Variants in EFR3B observed in about 807,000 individuals in gnomAD.
The protein encoded by EFR3B is EFR3 homolog B, also known as protein EFR3 homolog B.
A neutral mutation model predicts 104.7 loss-of-function variants in EFR3B; 64 were observed. That is an observed-to-expected ratio of 0.61 (90% confidence interval 0.50 to 0.75). EFR3B has a LOEUF of 0.75. Among genes scored for constraint, EFR3B ranks in the 30% least tolerant of loss-of-function variants. EFR3B has a pLI of 0.00. For missense variants in EFR3B, 750 were observed against 1,078.5 expected, an observed-to-expected ratio of 0.70 and a Z score of 4.27; for synonymous variants, 385 against 417.9, an observed-to-expected ratio of 0.92 and a Z score of 0.96.
At chr2:25,143,611 G>T (rs1670735113) in intron 17 of EFR3B, 124 bp from the exon 18 acceptor site, 4 of 1,240,964 alleles carry the variant, frequency 3.2e-6, no homozygotes, top group Non-Finnish European at 4.4e-6. Flanking sequence ...AATGAGCCGA[G>T]ATCGCACCAC....
chr2:25,044,770 C>T (rs1376104357), intron 1 of EFR3B, among the ~76,000 whole-genome samples: 1 of 152,154 alleles, frequency 6.6e-6, no homozygotes, highest in Admixed American at 6.6e-5. Context: ...TTTGTCTTCC[C>T]ATCTGTCCAG....
chr2:25,119,676 T>C (rs1669961080), intron 4 of EFR3B, among the ~76,000 whole-genome samples: 1 of 152,234 alleles, frequency 6.6e-6, no homozygotes, highest in Non-Finnish European at 1.5e-5. Flanking sequence ...ATGAATCCAT[T>C]TTAGATGTAG....
At chr2:25,080,533 A>G (rs1668772855) in intron 1 of EFR3B, 1 of 480,800 alleles carries the variant, frequency 2.1e-6, no homozygotes, top group Non-Finnish European at 3.7e-6. Context: ...GACCTCAGGT[A>G]TCTGCCCGCC....
At chr2:25,118,113 G>T (rs1669911561) in intron 4 of EFR3B, among the ~76,000 whole-genome samples, 1 of 152,144 alleles carries the variant, frequency 6.6e-6, no homozygotes, top group African/African-American at 2.4e-5. Flanking sequence ...CCGAGTAGCT[G>T]GGATTACAGG....
At chr2:25,142,447 TAAA>T (rs775996269) in intron 17 of EFR3B, among the ~76,000 whole-genome samples, 1 of 117,152 alleles carries the variant, frequency 8.5e-6, no homozygotes, top group Non-Finnish European at 1.8e-5. Context: ...AGACTCTGTC[TAAA>T]AAAAAAAAAA....
At chr2:25,050,846 G>A (rs918079397) in intron 1 of EFR3B, among the ~76,000 whole-genome samples, 1 of 152,210 alleles carries the variant, frequency 6.6e-6, no homozygotes, top group African/African-American at 2.4e-5. Flanking sequence ...TTTGTGGGAT[G>A]CTAAGATTTG....
At position 25,128,774 on chromosome 2, in the gene EFR3B, C is replaced by A. The variant is rs903495008; in HGVS notation, c.635+442C>A. 2.0e-5 allele frequency among the ~76,000 whole-genome samples: 3 copies of A among 151,278 alleles called. No homozygotes were observed. In the East Asian group the frequency reaches 5.8e-4, roughly 29 times the overall value. ...GAGATCGAGACCATCCTGGCTAACA[C>A]GATGAAACCGCGTCTCTACTAAAAA... On this transcript the variant is annotated intron_variant, in intron 6 of 22. Transcript: ENST00000403714.
At position 25,121,675 on chromosome 2, in the gene EFR3B, T is replaced by C. The variant is rs1670018686; in HGVS notation, c.366T>C (p.Phe122=). 1.3e-6 allele frequency: 2 copies of C among 1,551,578 alleles called. No individual in the cohort carries two copies. Among genetic ancestry groups the C allele is most frequent in the Non-Finnish European group, 1.7e-6 (2 of 1,147,004 alleles). Residue 122 remains phenylalanine (F), a splice_region_variant and synonymous_variant, in exon 5 of 23, where the codon TTT becomes TTC. Coordinates refer to ENST00000403714, the MANE Select transcript of EFR3B (RefSeq NM_014971.2). ...PNLQILGTNS[F]VKFANIEEDT... ...TTTCTCTCCTTCCTCCCTGATAGTT[T>C]GTGAAGTTTGCCAACATCGAGGAGG...
At chr2:25,128,521 C>T (rs1355314660) in intron 6 of EFR3B, among the ~76,000 whole-genome samples, 189 bp downstream of exon 6, 2 of 152,158 alleles carry the variant, frequency 1.3e-5, no homozygotes, top group African/African-American at 4.8e-5. Flanking sequence ...TGCCAGCCCA[C>T]AGTGTCCCTT....
Position 25,137,614 on chromosome 2 carries a change from C to T in EFR3B, c.1722+112C>T. On this transcript the variant is annotated intron_variant, in intron 15 of 22. Transcript: ENST00000403714. This position sits in a 1 kb window ranked among gnomAD's most constrained non-coding sequence, Gnocchi z 4.7. Reference sequence around the variant, plus strand: ...AACTGCTTAACACTGTTTTGGAGCCCAGGAATATTGTACTCGTGGTTGGCC... The same window carrying T: ...AACTGCTTAACACTGTTTTGGAGCCTAGGAATATTGTACTCGTGGTTGGCC... 2 of 1,450,244 alleles carry T rather than the reference C, an allele frequency of 1.4e-6. No individual in the cohort carries two copies. Among genetic ancestry groups the T allele is most frequent in the Non-Finnish European group, 1.9e-6 (2 of 1,078,960 alleles). 89.8% of individuals were successfully genotyped at this position (1,450,244 alleles called of 1,614,324 possible). A position where few individuals can be genotyped will look rare whatever the true frequency, so the allele number is the denominator to read the frequency against.
At chr2:25,142,472 C>T (rs150347526) in intron 17 of EFR3B, among the ~76,000 whole-genome samples, 1,959 of 145,576 alleles carry the variant, frequency 0.013, 39 homozygotes, top group African/African-American at 0.044. Flanking sequence ...AAAATTAGGC[C>T]GGTCACAGTG....
At chr2:25,152,824 G>GTA (rs1403265700) in intron 21 of EFR3B, among the ~76,000 whole-genome samples, 1 of 58,826 alleles carries the variant, frequency 1.7e-5, no homozygotes, top group East Asian at 2.5e-4. Flanking sequence ...GTGTGTGTGT[G>GTA]TGTGTGTGTG....
At chr2:25,092,313 C>T (rs1279939320) in intron 2 of EFR3B, among the ~76,000 whole-genome samples, 1 of 151,658 alleles carries the variant, frequency 6.6e-6, no homozygotes, top group African/African-American at 2.4e-5. Context: ...TGTGATCCGC[C>T]CACCTCAGGC....
At chr2:25,056,245 C>T (rs945535230) in intron 1 of EFR3B, among the ~76,000 whole-genome samples, 4 of 152,136 alleles carry the variant, frequency 2.6e-5, no homozygotes, top group African/African-American at 4.8e-5. Context: ...CACTTGGAAG[C>T]GTTAGTTGTA....
chr2:25,062,931 T>C (rs12989073), intron 1 of EFR3B, among the ~76,000 whole-genome samples: 1 of 143,866 alleles, frequency 7.0e-6, no homozygotes, highest in Non-Finnish European at 1.5e-5. Context: ...TTTCTTTTTC[T>C]TTTTTTTTTT....
chr2:25,155,221 G>T lies in EFR3B; in HGVS notation c.*881G>T, dbSNP rs2149216361. The T allele has an allele frequency of 6.6e-6, 1 of 152,332 alleles. No homozygotes were observed. Among genetic ancestry groups the T allele is most frequent in the East Asian group, 1.9e-4 (1 of 5,180 alleles). The allele number at this position is 152,332 out of a possible 1,614,324, so 9.4% of individuals were successfully genotyped here. A position where few individuals can be genotyped will look rare whatever the true frequency, so the allele number is the denominator to read the frequency against. ...TGGAGGGGAACTACAGGGTCCCCAAGATTTGCCCACATCACCTCCTATGGA... is the reference window on the plus strand; with the variant it reads ...TGGAGGGGAACTACAGGGTCCCCAATATTTGCCCACATCACCTCCTATGGA... On this transcript the variant is annotated 3_prime_UTR_variant, in exon 23 of 23. Coordinates refer to ENST00000403714, the MANE Select transcript of EFR3B (RefSeq NM_014971.2).
At chr2:25,050,460 G>A (rs1667836156) in intron 1 of EFR3B, among the ~76,000 whole-genome samples, 1 of 152,054 alleles carries the variant, frequency 6.6e-6, no homozygotes, top group Non-Finnish European at 1.5e-5. Context: ...GTAAGGGTGA[G>A]GATAAGGTGA....
intron 17 of EFR3B, among the ~76,000 whole-genome samples, chr2:25,142,844 A>G (rs1373768123): frequency 6.6e-6 from 1 of 151,090 alleles, no homozygotes; most frequent in African/African-American, 2.4e-5. Flanking sequence ...GAGCAGGAAG[A>G]TCACTTTAGC....
At chr2:25,125,767 T>G (rs926882022) in intron 5 of EFR3B, among the ~76,000 whole-genome samples, 1 of 152,072 alleles carries the variant, frequency 6.6e-6, no homozygotes, top group Non-Finnish European at 1.5e-5. Flanking sequence ...GCTAACACGG[T>G]GAAACCCTGT....
Sources: gnomAD v4.1 joint callset for allele counts (sites outside exome capture counted in the v4.1 genomes callset) on GRCh38, gnomAD v4.1.1 for gene constraint, Gnocchi (gnomAD v3.1) non-coding constraint, MANE v1.5 for transcripts, NCBI Gene and HGNC (gene_info 2026-07-23, HGNC 2026-07-21) for gene names.